Variants in CDC42BPA observed in about 807,000 individuals in gnomAD.
The protein encoded by CDC42BPA is serine/threonine-protein kinase MRCK alpha.
CDC42BPA carries 80 observed loss-of-function variants against 223.5 expected under a neutral mutation model. That is an observed-to-expected ratio of 0.36 (90% CI 0.30 to 0.43). CDC42BPA has a LOEUF of 0.43. Ranked by LOEUF, CDC42BPA falls within the 20% of genes least tolerant of loss-of-function variation. The probability of loss-of-function intolerance (pLI) is 1.00; values close to 1 mark genes in which losing one functional copy is unlikely to be tolerated. For missense variants in CDC42BPA, 1,743 were observed against 2,099.9 expected (o/e 0.83, Z 3.32); for synonymous variants, 694 against 718.6 (o/e 0.97, Z 0.55).
rs1268634564 is a variant in CDC42BPA, at chr1:227,220,301, TATATATATATACACAC to T, written c.271-7098_271-7083del. Reference sequence around the variant, plus strand: ...GTCATGTTATATATATATATATATATATATATATATACACACACACACACACATACATATATGGATA... The same window carrying T: ...GTCATGTTATATATATATATATATATACACACACACATACATATATGGATA... On this transcript the variant is annotated intron_variant, in intron 2 of 36. Transcript: ENST00000366766. 1.8e-3 allele frequency among the ~76,000 whole-genome samples: 137 copies of T among 74,636 alleles called. 2 individuals carry two copies. The highest frequency in any genetic ancestry group is 0.014 in the Middle Eastern group (2 of 146). 49.0% of individuals were successfully genotyped at this position (74,636 alleles called of 152,430 possible). A position where few individuals can be genotyped will look rare whatever the true frequency, so the allele number is the denominator to read the frequency against.
At chr1:227,083,706 C>G (rs1305811641) in intron 16 of CDC42BPA, among the ~76,000 whole-genome samples, 1 of 152,144 alleles carries the variant, frequency 6.6e-6, no homozygotes, top group Non-Finnish European at 1.5e-5. Flanking sequence ...AGAGTATTTA[C>G]TTTTACTTTT....
At chr1:227,025,439 TCCC>T (rs1438622535) in intron 31 of CDC42BPA, among the ~76,000 whole-genome samples, 1 of 152,116 alleles carries the variant, frequency 6.6e-6, no homozygotes, top group African/African-American at 2.4e-5. Flanking sequence ...CTAAACCCTG[TCCC>T]CCAACTAATC....
At chr1:227,037,847 TTATAA>T (rs1412228960) in intron 24 of CDC42BPA, among the ~76,000 whole-genome samples, 3 of 152,204 alleles carry the variant, frequency 2.0e-5, no homozygotes, top group African/African-American at 4.8e-5. Flanking sequence ...TACTAACTTG[TTATAA>T]TATGTCTGAA....
At chr1:227,060,020 G>GGT (rs1553317949) in intron 21 of CDC42BPA, among the ~76,000 whole-genome samples, 17 of 94,182 alleles carry the variant, frequency 1.8e-4, no homozygotes, top group African/African-American at 8.4e-4. Context: ...ATCTCAAAAA[G>GGT]TTTTTTTTTG....
At chr1:227,236,836 G>A (rs961947731) in intron 2 of CDC42BPA, among the ~76,000 whole-genome samples, 8 of 151,972 alleles carry the variant, frequency 5.3e-5, no homozygotes, top group African/African-American at 1.9e-4. Context: ...GGGAGACCGA[G>A]GTGTGAGACG....
chr1:227,288,832 T>A (rs1158604752), intron 1 of CDC42BPA, among the ~76,000 whole-genome samples: 1 of 149,976 alleles, frequency 6.7e-6, no homozygotes, highest in Non-Finnish European at 1.5e-5. Context: ...CCGTCTCTAC[T>A]AAAAATACAA....
intron 21 of CDC42BPA, among the ~76,000 whole-genome samples, chr1:227,059,780 A>G (rs1675414143): frequency 6.6e-6 from 1 of 152,228 alleles, no homozygotes; most frequent in South Asian, 2.1e-4. Context: ...CAATAAAATA[A>G]TGAACTAGCC....
chr1:227,260,491 T>G (rs1411837212), intron 1 of CDC42BPA, among the ~76,000 whole-genome samples: 1 of 150,998 alleles, frequency 6.6e-6, no homozygotes, highest in East Asian at 1.9e-4. Context: ...CCTTCCTCCC[T>G]ACAACTACTG....
intron 6 of CDC42BPA, 107 bp downstream of exon 6, chr1:227,160,436 A>G: frequency 1.3e-6 from 1 of 778,468 alleles, no homozygotes; most frequent in Non-Finnish European, 2.3e-6. Flanking sequence ...AGACAAATGG[A>G]TGGATGGGTA....
At chr1:227,023,927 T>C (rs962063275) in intron 31 of CDC42BPA, among the ~76,000 whole-genome samples, 24 of 152,210 alleles carry the variant, frequency 1.6e-4, no homozygotes, top group Admixed American at 1.4e-3. Context: ...ATGTATCTTA[T>C]GACCTTAAGG....
At chr1:227,246,524 GA>G (rs1278878409) in intron 2 of CDC42BPA, among the ~76,000 whole-genome samples, 5 of 152,126 alleles carry the variant, frequency 3.3e-5, no homozygotes, top group Non-Finnish European at 7.4e-5. Context: ...GCTCGATACA[GA>G]AAGAAAGACC....
intron 1 of CDC42BPA, among the ~76,000 whole-genome samples, chr1:227,267,643 T>C (rs1572737270): frequency 1.3e-5 from 2 of 152,284 alleles, no homozygotes; most frequent in East Asian, 3.9e-4. Flanking sequence ...GACTTACAGT[T>C]CCACATGGCT....
At chr1:227,073,237 T>A (rs1678792040) in intron 19 of CDC42BPA, among the ~76,000 whole-genome samples, 1 of 152,160 alleles carries the variant, frequency 6.6e-6, no homozygotes, top group African/African-American at 2.4e-5. Flanking sequence ...AACTGGCTTA[T>A]TTTGAACCAT....
chr1:227,047,868 T>G (rs141833041), intron 23 of CDC42BPA, 59 bp downstream of exon 23: 1 of 923,724 alleles, frequency 1.1e-6, no homozygotes, highest in African/African-American at 1.7e-5. Flanking sequence ...AGCAAATGCA[T>G]AGAGCAGATA....
intron 17 of CDC42BPA, among the ~76,000 whole-genome samples, chr1:227,079,563 T>C (rs1281891034): frequency 6.6e-6 from 1 of 152,134 alleles, no homozygotes; most frequent in Non-Finnish European, 1.5e-5. Flanking sequence ...TGGTTAAACA[T>C]TAAAATGGAT....
At position 227,317,688 on chromosome 1, in the gene CDC42BPA, G is replaced by T. The variant is rs1694623241; in HGVS notation, c.-506C>A. On this transcript the variant is annotated 5_prime_UTR_variant, in exon 1 of 37. Transcript: ENST00000366766. ...AAAAACAGAATGCATAGAAGGGGGAGGGAAAACCAAAAATGTTGCTGCAAA... is the reference window on the plus strand; with the variant it reads ...AAAAACAGAATGCATAGAAGGGGGATGGAAAACCAAAAATGTTGCTGCAAA... 5.0e-6 allele frequency: 2 copies of T among 397,976 alleles called. No individual in the cohort carries two copies. Among genetic ancestry groups the T allele is most frequent in the Admixed American group, 8.8e-5 (2 of 22,694 alleles). The allele number at this position is 397,976 out of a possible 1,614,324, so 24.7% of individuals were successfully genotyped here. A position where few individuals can be genotyped will look rare whatever the true frequency, so the allele number is the denominator to read the frequency against.
Position 227,047,973 on chromosome 1 carries a change from G to T in CDC42BPA, c.3047C>A (p.Thr1016Asn). Residue 1016 changes from threonine (T) to asparagine (N), a missense_variant, in exon 23 of 37, where the codon ACC becomes AAC. Thr to Asn is a moderately conservative substitution (Grantham distance 65). Around this residue, in one of 6 missense-constraint regions of CDC42BPA, gnomAD observed 678 missense variants for 777.5 expected, o/e 0.87. Coordinates refer to ENST00000366766, the MANE Select transcript of CDC42BPA (RefSeq NM_001394014.1). ...DSTPLSVHTP[T>N]LRKKGCPGST... Reference sequence around the variant, plus strand: ...ACCAGGACATCCTTTTTTCCTTAAGGTTGGTGTGTGAACTGAAAGTGGAGT... The same window carrying T: ...ACCAGGACATCCTTTTTTCCTTAAGTTTGGTGTGTGAACTGAAAGTGGAGT... 6.2e-7 allele frequency: 1 copy of T among 1,611,546 alleles called. No individual in the cohort carries two copies. Among genetic ancestry groups the T allele is most frequent in the Non-Finnish European group, 8.5e-7 (1 of 1,178,230 alleles).
In CDC42BPA at chr1:227,264,861, G is replaced by C. The variant is rs1684712079; in HGVS notation, c.179-10706C>G. The C allele has an allele frequency of 2.6e-6, 4 of 1,532,508 alleles. No homozygotes were observed. The Admixed American group carries it at 6.7e-5, about 26-fold the overall frequency. The allele number at this position is 1,532,508 out of a possible 1,614,324, so 94.9% of individuals were successfully genotyped here. On this transcript the variant is annotated intron_variant, in intron 1 of 36. Transcript: ENST00000366766. Reference sequence around the variant, plus strand: ...ACTGTAATTCCTTCAGGTAAGTCTGGAACTGGACCTGAAGAATTTTTCAAT... The same window carrying C: ...ACTGTAATTCCTTCAGGTAAGTCTGCAACTGGACCTGAAGAATTTTTCAAT...
chr1:227,178,157 T>C lies in CDC42BPA; in HGVS notation c.599+15629A>G, dbSNP rs143039026. On this transcript the variant is annotated intron_variant, in intron 5 of 36. Transcript: ENST00000366766. ...TCATCTTGAGTTGCTGGTTTAGCTCTGTGTCCCCACCAAAATCTCATCTTG... is the reference window on the plus strand; with the variant it reads ...TCATCTTGAGTTGCTGGTTTAGCTCCGTGTCCCCACCAAAATCTCATCTTG... Among the ~76,000 whole-genome samples, 20 of 152,362 alleles carry C rather than the reference T, an allele frequency of 1.3e-4. No individual in the cohort carries two copies. In the East Asian group the frequency reaches 3.9e-3, roughly 29 times the overall value.
Sources: allele counts gnomAD v4.1 joint callset (sites outside exome capture counted in the v4.1 genomes callset), GRCh38; gene constraint gnomAD v4.1.1; regional missense constraint gnomAD v4.1.1; transcripts MANE v1.5; gene names NCBI Gene and HGNC (gene_info 2026-07-23, HGNC 2026-07-21).